Variants in PLPPR4 observed in about 807,000 individuals in gnomAD.
PLPPR4 encodes the protein phospholipid phosphatase related 4, also known as phospholipid phosphatase-related protein type 4.
A neutral mutation model predicts 56.6 loss-of-function variants in PLPPR4; 24 were observed. The ratio of observed to expected loss-of-function variants is 0.42; its 90% CI spans 0.31 to 0.60. The LOEUF is 0.60. Among genes scored for constraint, PLPPR4 ranks in the 20% least tolerant of loss-of-function variants. The pLI is 0.13. For missense variants in PLPPR4, 654 were observed against 885.8 expected (o/e 0.74, Z 3.32); for synonymous variants, 326 against 328.1 (o/e 0.99, Z 0.07).
At position 99,295,988 on chromosome 1, in the gene PLPPR4, A is replaced by G. The variant is rs551870991; in HGVS notation, c.265-750A>G. The stretch of plus-strand genomic sequence containing the variant: ...TTTCAAAGAAAACTTACTGAGGGAA[A>G]TCATGCCTAAATCATACTGAGTTCC... On this transcript the variant is annotated intron_variant, in intron 2 of 6. Transcript: ENST00000370185. Among the ~76,000 whole-genome samples, 3 of 152,306 alleles carry G rather than the reference A, an allele frequency of 2.0e-5. No individual in the cohort carries two copies. In the East Asian group the frequency reaches 5.8e-4, roughly 29 times the overall value.
intron 2 of PLPPR4, among the ~76,000 whole-genome samples, chr1:99,288,431 G>T (rs1659527476): frequency 6.6e-6 from 1 of 151,904 alleles, no homozygotes. Context: ...ACTTTGAATG[G>T]CTAATAGGAC....
chr1:99,296,568 C>T (rs941572941), intron 2 of PLPPR4, among the ~76,000 whole-genome samples, 170 bp from the exon 3 acceptor site: 3 of 152,200 alleles, frequency 2.0e-5, no homozygotes, highest in Admixed American at 1.3e-4. Flanking sequence ...CTTCTCACTG[C>T]TTGATCAAAT....
intron 2 of PLPPR4, among the ~76,000 whole-genome samples, chr1:99,295,381 T>C (rs976682765): frequency 6.6e-6 from 1 of 152,164 alleles, no homozygotes; most frequent in African/African-American, 2.4e-5. Flanking sequence ...TAAAAAAAAC[T>C]ATAATTTTGA....
chr1:99,306,183 G>A lies in PLPPR4; in HGVS notation c.1321G>A (p.Gly441Arg). 6.2e-7 allele frequency: 1 copy of A among 1,614,124 alleles called. No individual in the cohort carries two copies. Among genetic ancestry groups the A allele is most frequent in the South Asian group, 1.1e-5 (1 of 91,072 alleles). ...MRSSSEPSRV[G>R]VNGDHHGPGN... is the part of the protein sequence containing the mutation. Reference sequence around the variant, plus strand: ...GTCAAGCTCAGAGCCATCGAGGGTAGGGGTGAATGGAGACCACCATGGTCC... The same window carrying A: ...GTCAAGCTCAGAGCCATCGAGGGTAAGGGTGAATGGAGACCACCATGGTCC... The change falls in exon 7 of 7, where the codon GGG (glycine) becomes AGG (arginine). Residue 441 changes from glycine to arginine, a missense_variant. This residue lies in a region of PLPPR4 where 468 missense variants were observed against 554.3 expected (regional missense o/e 0.84). Transcript: ENST00000370185. This position sits in a 1 kb window ranked among gnomAD's most constrained non-coding sequence, Gnocchi z 4.0.
rs1180813686 is a variant in PLPPR4, at chr1:99,307,512, A to G, written c.*502A>G. Reference sequence around the variant, plus strand: ...CCATGTAAACTCTCAAACTCTATTTAGCTGTGAAATAGTGGTGTGCAATTC... The same window carrying G: ...CCATGTAAACTCTCAAACTCTATTTGGCTGTGAAATAGTGGTGTGCAATTC... On this transcript the variant is annotated 3_prime_UTR_variant, in exon 7 of 7. Coordinates refer to ENST00000370185, the MANE Select transcript of PLPPR4 (RefSeq NM_014839.5). 1.3e-5 allele frequency: 2 copies of G among 154,622 alleles called. No homozygotes were observed. The highest frequency in any genetic ancestry group is 2.9e-5 in the Non-Finnish European group (2 of 69,534). 9.6% of individuals were successfully genotyped at this position (154,622 alleles called of 1,614,324 possible).
At chr1:99,298,731 A>C in intron 3 of PLPPR4, 1 of 570,198 alleles carries the variant, frequency 1.8e-6, no homozygotes, top group Non-Finnish European at 3.1e-6. Context: ...TCGCTCTCAA[A>C]TAATACCTTA....
At position 99,308,493 on chromosome 1, in the gene PLPPR4, G is replaced by A. The variant is rs1257296350; in HGVS notation, c.*1483G>A. ...AGTATGAAGACATACTCAGTTCTTG[G>A]AACTTAGTATTAAACCTTTTTTATG... On this transcript the variant is annotated 3_prime_UTR_variant, in exon 7 of 7. Coordinates refer to ENST00000370185, the MANE Select transcript of PLPPR4 (RefSeq NM_014839.5). The A allele has an allele frequency of 6.6e-6, 1 of 152,556 alleles. No individual in the cohort carries two copies. The allele number at this position is 152,556 out of a possible 1,614,324, so 9.5% of individuals were successfully genotyped here. A position where few individuals can be genotyped will look rare whatever the true frequency, so the allele number is the denominator to read the frequency against.
chr1:99,265,915 C>T (rs1167337507), intron 1 of PLPPR4, among the ~76,000 whole-genome samples: 1 of 152,058 alleles, frequency 6.6e-6, no homozygotes, highest in Non-Finnish European at 1.5e-5. Context: ...ATGTATGTGA[C>T]TTGCATAACT....
Position 99,305,777 on chromosome 1 carries a change from T to G in PLPPR4, c.915T>G (p.Asp305Glu). The G allele has an allele frequency of 1.2e-6, 2 of 1,614,026 alleles. No individual in the cohort carries two copies. The highest frequency in any genetic ancestry group is 1.7e-6 in the Non-Finnish European group (2 of 1,179,996). The change falls in exon 7 of 7, where the codon GAT becomes GAG. Residue 305 changes from aspartate to glutamate, a missense_variant. This residue lies in a region of PLPPR4 where 468 missense variants were observed against 554.3 expected (regional missense o/e 0.84). Transcript: ENST00000370185. The stretch of plus-strand genomic sequence containing the variant: ...GGTCTCTGACAGACCTCAATCAAGA[T>G]CCCAACCGACTTTTATCTGCTAAAA... ...ALRSLTDLNQDPNRLLSAKNG... is the reference protein window; with the variant it reads ...ALRSLTDLNQEPNRLLSAKNG...
intron 1 of PLPPR4, among the ~76,000 whole-genome samples, chr1:99,283,824 C>T (rs1217574555): frequency 6.6e-6 from 1 of 152,076 alleles, no homozygotes; most frequent in Non-Finnish European, 1.5e-5. Flanking sequence ...TGGTGGCACG[C>T]TCCTGTAGTC....
chr1:99,299,312 CT>C, intron 4 of PLPPR4, 82 bp downstream of exon 4: 1 of 945,048 alleles, frequency 1.1e-6, no homozygotes, highest in Non-Finnish European at 1.6e-6. Context: ...AAGCATGCCT[CT>C]TTCAGTCATA....
At chr1:99,296,965 G>C in intron 3 of PLPPR4, 98 bp downstream of exon 3, 1 of 1,176,478 alleles carries the variant, frequency 8.5e-7, no homozygotes, top group Non-Finnish European at 1.1e-6. Flanking sequence ...CTATAATTTA[G>C]ATGTATAATT....
chr1:99,275,239 G>A (rs1659155258), intron 1 of PLPPR4, among the ~76,000 whole-genome samples: 1 of 152,092 alleles, frequency 6.6e-6, no homozygotes, highest in African/African-American at 2.4e-5. Context: ...ATAGGGAGAT[G>A]AATTTTTGAA....
chr1:99,276,125 A>G (rs979879343), intron 1 of PLPPR4, among the ~76,000 whole-genome samples: 1 of 152,296 alleles, frequency 6.6e-6, no homozygotes, highest in Middle Eastern at 3.4e-3. Context: ...ATGAAACTTA[A>G]ATAACTAAGG....
At chr1:99,273,452 T>C (rs1659107950) in intron 1 of PLPPR4, among the ~76,000 whole-genome samples, 1 of 152,106 alleles carries the variant, frequency 6.6e-6, no homozygotes, top group African/African-American at 2.4e-5. Flanking sequence ...TCGTTAACAA[T>C]TTAATGCTCT....
At chr1:99,284,377 C>T (rs1659412283) in intron 1 of PLPPR4, among the ~76,000 whole-genome samples, 1 of 151,896 alleles carries the variant, frequency 6.6e-6, no homozygotes, top group Admixed American at 6.6e-5. Flanking sequence ...ATACAAATAA[C>T]TATTACAAAC....
chr1:99,292,627 C>A (rs7555094), intron 2 of PLPPR4, among the ~76,000 whole-genome samples: 2,528 of 152,232 alleles, frequency 0.017, 70 homozygotes, highest in African/African-American at 0.056. Context: ...CAGGATACTC[C>A]AAGATGACAG....
In PLPPR4 at chr1:99,273,332, GAC is replaced by G. The variant is rs576882812; in HGVS notation, c.78+8662_78+8663del. Among the ~76,000 whole-genome samples the G allele has an allele frequency of 4.2e-3, 633 of 152,162 alleles. 3 individuals are homozygous for G. The highest frequency in any genetic ancestry group is 0.015 in the African/African-American group (604 of 41,550). ...AGAATAAATTAAAGAAAAGGGGAAAGACGAGTAATTAAAATCAATGTATTTGT... is the reference window on the plus strand; with the variant it reads ...AGAATAAATTAAAGAAAAGGGGAAAGGAGTAATTAAAATCAATGTATTTGT... On this transcript the variant is annotated intron_variant, in intron 1 of 6. Coordinates refer to ENST00000370185, the MANE Select transcript of PLPPR4 (RefSeq NM_014839.5).
chr1:99,295,872 C>G (rs1168249393), intron 2 of PLPPR4, among the ~76,000 whole-genome samples: 1 of 152,078 alleles, frequency 6.6e-6, no homozygotes, highest in Non-Finnish European at 1.5e-5. Flanking sequence ...GCCAAATGAA[C>G]AATTTCATAA....
Sources: allele counts gnomAD v4.1 joint callset (sites outside exome capture counted in the v4.1 genomes callset), GRCh38; gene constraint gnomAD v4.1.1; regional missense constraint gnomAD v4.1.1; non-coding constraint Gnocchi (gnomAD v3.1); transcripts MANE v1.5; gene names NCBI Gene and HGNC (gene_info 2026-07-23, HGNC 2026-07-21).